KIF27: variants seen among roughly 807,000 people sequenced by gnomAD.
KIF27 encodes kinesin-like protein KIF27.
Under a neutral mutation model 141.8 loss-of-function variants are expected in KIF27, and 84 were observed. The observed-to-expected ratio is 0.59, with a 90% CI of 0.50 to 0.71. The LOEUF (loss-of-function observed/expected upper bound fraction) is 0.71, where lower values mean the gene tolerates loss of function less well. Among genes scored for constraint, KIF27 ranks in the 30% least tolerant of loss-of-function variants. The pLI is 0.00. For synonymous variants in KIF27, 471 were observed against 569.5 expected, an observed-to-expected ratio of 0.83 and a Z score of 2.46; for missense variants, 1,306 against 1,628.4, an observed-to-expected ratio of 0.80 and a Z score of 3.41.
rs1164022379 is a variant in KIF27 at position 83,856,739 on chromosome 9, CA to C, written c.3150+2416del. On this transcript the variant is annotated intron_variant, in intron 14 of 17. Coordinates refer to ENST00000297814, the MANE Select transcript of KIF27 (RefSeq NM_017576.4). ...CTGGTGACAGAGCAAGACTCCGTCT[CA>C]AAAAAAAAAAAAAAAAAAAATTAGC... is the stretch of plus-strand genomic sequence containing the variant. 4.3e-3 allele frequency among the ~76,000 whole-genome samples: 277 copies of C among 64,366 alleles called. 1 individual carries two copies. The highest frequency in any genetic ancestry group is 0.011 in the East Asian group (24 of 2,174). The allele number at this position is 64,366 out of a possible 152,430, so 42.2% of individuals were successfully genotyped here. A position where few individuals can be genotyped will look rare whatever the true frequency, so the allele number is the denominator to read the frequency against.
At chr9:83,911,743 C>T (rs1955190658) in intron 2 of KIF27, among the ~76,000 whole-genome samples, 1 of 152,094 alleles carries the variant, frequency 6.6e-6, no homozygotes, top group Non-Finnish European at 1.5e-5. Context: ...GGGGTTTCAC[C>T]ATGTTGCCCA....
chr9:83,860,518 T>A (rs1949772867), intron 13 of KIF27, among the ~76,000 whole-genome samples: 1 of 152,222 alleles, frequency 6.6e-6, no homozygotes. Flanking sequence ...TTATTATAAC[T>A]TTGTTATTCA....
chr9:83,899,643 G>C lies in KIF27; in HGVS notation c.1602+18C>G, dbSNP rs184157163. 2.5e-4 allele frequency: 402 copies of C among 1,607,960 alleles called. 3 individuals carry two copies. In the Admixed American group the frequency reaches 6.7e-3, roughly 27 times the overall value. Reference sequence around the variant, plus strand: ...TATTTCAAGAAAATCTACAGAGCTAGATGCATTAAGAAACTACCTGCAGTC... The same window carrying C: ...TATTTCAAGAAAATCTACAGAGCTACATGCATTAAGAAACTACCTGCAGTC... On this transcript the variant is annotated intron_variant, in intron 5 of 17. Transcript: ENST00000297814.
chr9:83,881,428 AGTTTT>A (rs1951665914), intron 10 of KIF27, among the ~76,000 whole-genome samples: 1 of 152,220 alleles, frequency 6.6e-6, no homozygotes, highest in African/African-American at 2.4e-5. Flanking sequence ...AGCATAGGCA[AGTTTT>A]GTTTTAATTA....
At position 83,837,101 on chromosome 9, in the gene KIF27, A is replaced by C; in HGVS notation, c.4106T>G (p.Leu1369Trp). The C allele has an allele frequency of 1.2e-6, 2 of 1,613,994 alleles. No individual in the cohort carries two copies. Among genetic ancestry groups the C allele is most frequent in the Non-Finnish European group, 1.7e-6 (2 of 1,179,886 alleles). Residue 1369 changes from leucine to tryptophan, a missense_variant, in exon 18 of 18, where the codon TTG (leucine) becomes TGG (tryptophan). Coordinates refer to ENST00000297814, the MANE Select transcript of KIF27 (RefSeq NM_017576.4). Reference sequence around the variant, plus strand: ...ACTGGAACGTCGCAATGATAGTTCCAAGGCGGAAATTTGACGTAATTCTTT... The same window carrying C: ...ACTGGAACGTCGCAATGATAGTTCCCAGGCGGAAATTTGACGTAATTCTTT... ...CRKELRQISALELSLRRSSLG... is the reference protein window; with the variant it reads ...CRKELRQISAWELSLRRSSLG...
At chr9:83,896,999 A>G (rs552386810) in intron 5 of KIF27, among the ~76,000 whole-genome samples, 115 of 152,278 alleles carry the variant, frequency 7.6e-4, no homozygotes, top group Non-Finnish European at 1.5e-3. Context: ...CTAAAATTAG[A>G]TGGTGTGATG....
intron 11 of KIF27, among the ~76,000 whole-genome samples, chr9:83,878,161 C>CAAAA (rs58897060): frequency 2.3e-4 from 9 of 38,472 alleles, no homozygotes; most frequent in Non-Finnish European, 3.5e-4. Context: ...GACTCTGTCT[C>CAAAA]AAAAAAAAAA....
chr9:83,857,927 AT>A (rs1949428124), intron 14 of KIF27, among the ~76,000 whole-genome samples: 1 of 149,540 alleles, frequency 6.7e-6, no homozygotes, highest in African/African-American at 2.5e-5. Context: ...GTTTTCCCAA[AT>A]AGAGTATTAA....
At chr9:83,873,960 G>C (rs1321627533) in intron 11 of KIF27, among the ~76,000 whole-genome samples, 1 of 151,936 alleles carries the variant, frequency 6.6e-6, no homozygotes, top group African/African-American at 2.4e-5. Context: ...GCTGAGGCAG[G>C]AGAATGGCAT....
chr9:83,919,800 C>T (rs1315542300), intron 1 of KIF27, among the ~76,000 whole-genome samples: 1 of 151,792 alleles, frequency 6.6e-6, no homozygotes, highest in African/African-American at 2.4e-5. Flanking sequence ...AAGGCTGAAG[C>T]GAGAGGATCC....
intron 1 of KIF27, among the ~76,000 whole-genome samples, chr9:83,916,702 C>T (rs1288057305): frequency 3.5e-5 from 5 of 143,378 alleles, no homozygotes; most frequent in Non-Finnish European, 7.5e-5. Flanking sequence ...CTCGCTCTGT[C>T]GCTCAGGCTG....
chr9:83,870,707 CTTTTTT>C (rs544179803), intron 11 of KIF27, 75 bp from the exon 12 acceptor site: 179 of 1,260,846 alleles, frequency 1.4e-4, no homozygotes, highest in East Asian at 6.8e-4. Context: ...CAATTATTTT[CTTTTTT>C]TTTTTTTTTT....
At chr9:83,898,171 A>G (rs972768965) in intron 5 of KIF27, among the ~76,000 whole-genome samples, 12 of 152,326 alleles carry the variant, frequency 7.9e-5, no homozygotes, top group Non-Finnish European at 1.2e-4. Context: ...AAAGCCACAA[A>G]TGTCCATCAA....
intron 14 of KIF27, among the ~76,000 whole-genome samples, chr9:83,856,890 G>T (rs1295446608): frequency 7.0e-6 from 1 of 143,414 alleles, no homozygotes; most frequent in Non-Finnish European, 1.5e-5. Flanking sequence ...CTGAGTGACA[G>T]AGTGAGACTC....
At chr9:83,894,704 T>C (rs1415463106) in intron 5 of KIF27, among the ~76,000 whole-genome samples, 4 of 152,222 alleles carry the variant, frequency 2.6e-5, no homozygotes, top group Non-Finnish European at 5.9e-5. Context: ...GTGACTCTGC[T>C]GAGAGACAAG....
chr9:83,859,426 G>C (rs1949628255), intron 13 of KIF27, 55 bp from the exon 14 acceptor site: 1 of 1,209,046 alleles, frequency 8.3e-7, no homozygotes, highest in Non-Finnish European at 1.2e-6. Context: ...AATCTAGACT[G>C]CATAAAAATT....
At position 83,835,108 on chromosome 9, in the gene KIF27, T is replaced by C. The variant is rs1945678589; in HGVS notation, c.*1893A>G. 6.7e-6 allele frequency among the ~76,000 whole-genome samples: 1 copy of C among 150,022 alleles called. No individual in the cohort carries two copies. The highest frequency in any genetic ancestry group is 2.4e-5 in the African/African-American group (1 of 41,112). ...TTAGAAATAATTAATTTACACATAC[T>C]TGTTTTACTTATGGAAATACAAACA... On this transcript the variant is annotated 3_prime_UTR_variant, in exon 18 of 18. Transcript: ENST00000297814.
chr9:83,869,144 G>A lies in KIF27; in HGVS notation c.2758-1284C>T, dbSNP rs1950577017. 2.0e-5 allele frequency among the ~76,000 whole-genome samples: 3 copies of A among 152,182 alleles called. No homozygotes were observed. In the South Asian group the frequency reaches 6.2e-4, roughly 31 times the overall value. On this transcript the variant is annotated intron_variant, in intron 12 of 17. Coordinates refer to ENST00000297814, the MANE Select transcript of KIF27 (RefSeq NM_017576.4). ...GATGACATTTCTGGGTGGAATGGGT[G>A]TGTATGGGAATGTACCCATGTCACT...
intron 1 of KIF27, among the ~76,000 whole-genome samples, chr9:83,920,011 C>T (rs1300637699): frequency 3.9e-5 from 6 of 152,046 alleles, no homozygotes; most frequent in African/African-American, 1.2e-4. Context: ...GCAGGTGGAT[C>T]GCTTCAGCCC....
Sources: allele counts gnomAD v4.1 joint callset (sites outside exome capture counted in the v4.1 genomes callset), GRCh38; gene constraint gnomAD v4.1.1; transcripts MANE v1.5; gene names NCBI Gene and HGNC (gene_info 2026-07-23, HGNC 2026-07-21).